ITGA11: variants seen among roughly 807,000 people sequenced by gnomAD.
ITGA11 encodes the protein integrin subunit alpha 11, also known as integrin alpha-11.
In ITGA11, 97 loss-of-function variants were observed where a neutral mutation model predicts 141.9. The observed-to-expected ratio is 0.68, with a 90% CI of 0.58 to 0.81. The LOEUF is 0.81. Among genes scored for constraint, ITGA11 ranks in the 30% least tolerant of loss-of-function variants. The pLI is 0.00. For missense variants in ITGA11, 1,387 were observed against 1,559.2 expected, an observed-to-expected ratio of 0.89 and a Z score of 1.86; for synonymous variants, 658 against 624.6, an observed-to-expected ratio of 1.05 and a Z score of -0.80.
intron 14 of ITGA11, 138 bp downstream of exon 14, chr15:68,331,720 TG>T (rs1894162792): frequency 1.4e-6 from 1 of 738,408 alleles, no homozygotes; most frequent in Non-Finnish European, 2.2e-6. Flanking sequence ...TGGGGAAGCA[TG>T]GCCAGGACAG....
rs1434659489 is a variant in ITGA11, at chr15:68,328,108, T to C, written c.2056A>G (p.Thr686Ala). The C allele has an allele frequency of 1.2e-6, 2 of 1,613,188 alleles. No homozygotes were observed. The highest frequency in any genetic ancestry group is 1.3e-5 in the African/African-American group (1 of 74,820). The change falls in exon 16 of 30, where the codon ACA becomes GCA. Residue 686 changes from threonine to alanine, a missense_variant. Transcript: ENST00000315757. This position sits in a 1 kb window ranked among gnomAD's most constrained non-coding sequence, Gnocchi z 4.8. ...TPIFLAPHFQ[T>A]TTVGIRYNAT... ...GGGCCTGCTTTACCAACAGTTGTTG[T>C]TTGGAAATGGGGTGCCAGGAAGATG...
At position 68,335,719 on chromosome 15, in the gene ITGA11, T is replaced by A. The variant is rs1894329935; in HGVS notation, c.1403A>T (p.His468Leu). 1 of 1,613,788 alleles carries A rather than the reference T, an allele frequency of 6.2e-7. No individual in the cohort carries two copies. ...TMHNNRSLTIHQAMRGQQIGS... is the reference protein window; with the variant it reads ...TMHNNRSLTILQAMRGQQIGS... ...TACCTGCTGGCCCCGCATAGCCTGG[T>A]GGATGGTGAGGCTCCGGTTGTTGTG... Residue 468 changes from histidine to leucine, a missense_variant, in exon 12 of 30, where the codon CAC becomes CTC. By Grantham distance (99) the His-to-Leu change is moderately conservative. Transcript: ENST00000315757. This position sits in a 1 kb window ranked among gnomAD's most constrained non-coding sequence, Gnocchi z 4.9.
At chr15:68,378,671 T>C (rs1895786177) in intron 2 of ITGA11, among the ~76,000 whole-genome samples, 1 of 152,160 alleles carries the variant, frequency 6.6e-6, no homozygotes, top group Admixed American at 6.5e-5. Context: ...AAATTTCTAT[T>C]GCATATCTTT....
rs867825193 is a variant in ITGA11, at chr15:68,400,708, A to T, written c.164+2210T>A. Reference sequence around the variant, plus strand: ...ATATTATATTATATATTATATAATAAATATTATATATTATATAATAAATAT... The same window carrying T: ...ATATTATATTATATATTATATAATATATATTATATATTATATAATAAATAT... On this transcript the variant is annotated intron_variant, in intron 2 of 29. Transcript: ENST00000315757. Among the ~76,000 whole-genome samples the T allele has an allele frequency of 8.4e-5, 2 of 23,712 alleles. 1 individual carries two copies. The highest frequency in any genetic ancestry group is 5.4e-4 in the African/African-American group (2 of 3,716). The allele number at this position is 23,712 out of a possible 152,430, so 15.6% of individuals were successfully genotyped here. A position where few individuals can be genotyped will look rare whatever the true frequency, so the allele number is the denominator to read the frequency against.
rs1894193318 is a variant in ITGA11, at chr15:68,332,186, C to T, written c.1567-124G>A. 23 of 1,234,288 alleles carry T rather than the reference C, an allele frequency of 1.9e-5. No individual in the cohort carries two copies. In the South Asian group the frequency reaches 3.0e-4, roughly 16 times the overall value. 76.5% of individuals were successfully genotyped at this position (1,234,288 alleles called of 1,614,324 possible). ...CCATTCCCCAGAACCCCGTCTCTGG[C>T]TATATGAACCCAGCCACAGAGGAGG... On this transcript the variant is annotated intron_variant, in intron 13 of 29. Transcript: ENST00000315757.
intron 10 of ITGA11, among the ~76,000 whole-genome samples, chr15:68,348,075 A>G (rs547759744): frequency 3.7e-4 from 57 of 152,340 alleles, no homozygotes; most frequent in Non-Finnish European, 7.5e-4. Flanking sequence ...CAGTACATTA[A>G]GCATATTCAC....
In ITGA11 at chr15:68,402,237, G is replaced by T. The variant is rs552862316; in HGVS notation, c.164+681C>A. On this transcript the variant is annotated intron_variant, in intron 2 of 29. Transcript: ENST00000315757. ...GCCTTCTGCCAGCTAAAAACCAAGTGGGGAGGAGGATGACTAACCGTAAAT... is the reference window on the plus strand; with the variant it reads ...GCCTTCTGCCAGCTAAAAACCAAGTTGGGAGGAGGATGACTAACCGTAAAT... Among the ~76,000 whole-genome samples, 117 of 152,152 alleles carry T rather than the reference G, an allele frequency of 7.7e-4. 1 individual carries two copies. Among genetic ancestry groups the T allele is most frequent in the Non-Finnish European group, 1.3e-3 (88 of 68,000 alleles).
chr15:68,326,707 C>T lies in ITGA11; in HGVS notation c.2158G>A (p.Val720Ile), dbSNP rs948039131. ...EGGDRFTNRA[V>I]LLSSGQELCE... is the part of the protein sequence containing the mutation. ...AGCTCCTGGCCGGAGGAGAGCAGTACGGCTCTGTTGGTGAATCGGTCCCCG... is the reference window on the plus strand; with the variant it reads ...AGCTCCTGGCCGGAGGAGAGCAGTATGGCTCTGTTGGTGAATCGGTCCCCG... Residue 720 changes from valine to isoleucine, a missense_variant, in exon 17 of 30, where the codon GTA (valine) becomes ATA (isoleucine). Coordinates refer to ENST00000315757, the MANE Select transcript of ITGA11 (RefSeq NM_001004439.2). This position sits in a 1 kb window ranked among gnomAD's most constrained non-coding sequence, Gnocchi z 6.8. The T allele has an allele frequency of 1.4e-5, 23 of 1,587,764 alleles. No homozygotes were observed. The highest frequency in any genetic ancestry group is 3.5e-5 in the Admixed American group (2 of 56,776).
At chr15:68,396,005 T>C (rs1368039804) in intron 2 of ITGA11, among the ~76,000 whole-genome samples, 2 of 151,900 alleles carry the variant, frequency 1.3e-5, no homozygotes, top group East Asian at 1.9e-4. Flanking sequence ...TACCAGAGAA[T>C]AGAAAAAAAT....
intron 1 of ITGA11, among the ~76,000 whole-genome samples, chr15:68,421,827 T>A (rs905720164): frequency 2.0e-5 from 3 of 152,144 alleles, no homozygotes; most frequent in African/African-American, 7.2e-5. Context: ...TTTATTAAAA[T>A]TTTTTTAGAA....
chr15:68,350,130 C>T (rs1453646700), intron 9 of ITGA11, among the ~76,000 whole-genome samples: 2 of 152,182 alleles, frequency 1.3e-5, no homozygotes, highest in Non-Finnish European at 2.9e-5. Flanking sequence ...CAGCATTGTT[C>T]ATAAAACGCA....
Position 68,335,096 on chromosome 15 carries a change from C to G in ITGA11, c.1425+601G>C, listed in dbSNP as rs958871376. 7.2e-5 allele frequency among the ~76,000 whole-genome samples: 11 copies of G among 152,210 alleles called. No homozygotes were observed. Among genetic ancestry groups the G allele is most frequent in the South Asian group, 2.1e-4 (1 of 4,808 alleles). ...GGGAGCTGGGGACAACATGGAAGGG[C>G]CTGGACAGCACTCAGCTCTGGCCTA... is the stretch of plus-strand genomic sequence containing the variant. On this transcript the variant is annotated intron_variant, in intron 12 of 29. Coordinates refer to ENST00000315757, the MANE Select transcript of ITGA11 (RefSeq NM_001004439.2). This position sits in a 1 kb window ranked among gnomAD's most constrained non-coding sequence, Gnocchi z 4.9.
intron 2 of ITGA11, among the ~76,000 whole-genome samples, chr15:68,375,237 C>T (rs1170538815): frequency 6.6e-6 from 1 of 152,216 alleles, no homozygotes; most frequent in Non-Finnish European, 1.5e-5. Context: ...GTCCCTTTGT[C>T]TCTTTTTTCT....
intron 2 of ITGA11, among the ~76,000 whole-genome samples, chr15:68,401,896 C>A (rs774948033): frequency 1.3e-5 from 2 of 151,984 alleles, no homozygotes; most frequent in South Asian, 2.1e-4. Flanking sequence ...AAAAAGAATA[C>A]GAGAGAATTA....
intron 10 of ITGA11, among the ~76,000 whole-genome samples, chr15:68,341,455 G>A (rs747380318): frequency 5.3e-5 from 8 of 152,238 alleles, no homozygotes; most frequent in Admixed American, 2.6e-4. Flanking sequence ...CAAATGAGCC[G>A]TTGAGGTTCA....
At chr15:68,406,554 G>A (rs1205705988) in intron 1 of ITGA11, among the ~76,000 whole-genome samples, 1 of 152,106 alleles carries the variant, frequency 6.6e-6, no homozygotes, top group African/African-American at 2.4e-5. Context: ...ACACCCCAGG[G>A]ATCCCTTCCT....
intron 2 of ITGA11, among the ~76,000 whole-genome samples, chr15:68,376,501 C>T (rs1437461241): frequency 2.0e-5 from 3 of 152,214 alleles, no homozygotes; most frequent in Non-Finnish European, 4.4e-5. Context: ...CCACAAATAT[C>T]CCAGCACCCA....
chr15:68,340,206 G>C (rs570094695), intron 10 of ITGA11, among the ~76,000 whole-genome samples: 2,214 of 78,240 alleles, frequency 0.028, 31 homozygotes, highest in Non-Finnish European at 0.038. Context: ...AACAGAGCTT[G>C]AAGATACAAA....
At chr15:68,361,807 C>T (rs910029278) in intron 4 of ITGA11, 103 bp from the exon 5 acceptor site, 23 of 741,840 alleles carry the variant, frequency 3.1e-5, no homozygotes, top group Non-Finnish European at 4.8e-5. Flanking sequence ...CCAAGACAGA[C>T]TTCTATCTGA....
Sources: allele counts gnomAD v4.1 joint callset (sites outside exome capture counted in the v4.1 genomes callset), GRCh38; gene constraint gnomAD v4.1.1; non-coding constraint Gnocchi (gnomAD v3.1); transcripts MANE v1.5; gene names NCBI Gene and HGNC (gene_info 2026-07-23, HGNC 2026-07-21).